The following ZNF407 variants were observed in gnomAD, a reference collection of about 807,000 sequenced individuals.
ZNF407 encodes zinc finger protein 407.
A neutral mutation model predicts 131.2 loss-of-function variants in ZNF407; 17 were observed. The observed-to-expected ratio is 0.13, with a 90% CI of 0.09 to 0.19. The LOEUF (loss-of-function observed/expected upper bound fraction) is 0.19. Among genes scored for constraint, ZNF407 ranks in the 10% least tolerant of loss-of-function variants. The probability of loss-of-function intolerance (pLI) is 1.00; values close to 1 mark genes in which losing one functional copy is unlikely to be tolerated. For synonymous variants in ZNF407, 1,156 were observed against 1,062.0 expected, an observed-to-expected ratio of 1.09 and a Z score of -1.72; for missense variants, 2,681 against 2,830.6, an observed-to-expected ratio of 0.95 and a Z score of 1.20.
chr18:74,742,536 G>A (rs977214538), intron 3 of ZNF407, among the ~76,000 whole-genome samples: 4 of 152,038 alleles, frequency 2.6e-5, no homozygotes, highest in African/African-American at 9.7e-5. Context: ...TTGAATATTT[G>A]TTGATTGAGT....
intron 3 of ZNF407, among the ~76,000 whole-genome samples, chr18:74,660,433 A>AT (rs1186754120): frequency 6.6e-6 from 1 of 152,058 alleles, no homozygotes; most frequent in Non-Finnish European, 1.5e-5. Context: ...GGAATTTATA[A>AT]TTTTTGCCTC....
At chr18:74,735,274 C>G (rs1968386362) in intron 3 of ZNF407, among the ~76,000 whole-genome samples, 1 of 152,090 alleles carries the variant, frequency 6.6e-6, no homozygotes, top group Admixed American at 6.6e-5. Flanking sequence ...TTTCCAAGAC[C>G]TGTTATGTTG....
chr18:74,690,884 A>C (rs1378312076), intron 3 of ZNF407, among the ~76,000 whole-genome samples: 1 of 152,230 alleles, frequency 6.6e-6, no homozygotes, highest in Admixed American at 6.5e-5. Context: ...CTCATAATTA[A>C]AAATTATATT....
At chr18:74,713,034 C>A (rs1967802996) in intron 3 of ZNF407, among the ~76,000 whole-genome samples, 1 of 152,174 alleles carries the variant, frequency 6.6e-6, no homozygotes. Flanking sequence ...ACATAGAGGA[C>A]CTGCCAGTCA....
chr18:74,888,340 T>C (rs1448590020), intron 6 of ZNF407, among the ~76,000 whole-genome samples: 1 of 152,022 alleles, frequency 6.6e-6, no homozygotes, highest in Middle Eastern at 3.2e-3. Context: ...GGTAGCCATA[T>C]TTAAAAAAAG....
intron 8 of ZNF407, among the ~76,000 whole-genome samples, chr18:74,934,956 A>T (rs569251636): frequency 7.2e-5 from 11 of 152,370 alleles, no homozygotes; most frequent in Non-Finnish European, 1.3e-4. Flanking sequence ...AAATTACTCT[A>T]TGTCATTTAT....
chr18:74,929,423 A>T (rs1316341729), intron 8 of ZNF407, among the ~76,000 whole-genome samples: 1 of 152,140 alleles, frequency 6.6e-6, no homozygotes, highest in African/African-American at 2.4e-5. Flanking sequence ...GAAAATCGTG[A>T]TCTTATCCCC....
chr18:74,721,939 C>T (rs879797414), intron 3 of ZNF407, among the ~76,000 whole-genome samples: 5 of 152,148 alleles, frequency 3.3e-5, no homozygotes, highest in Non-Finnish European at 5.9e-5. Flanking sequence ...CTGACTTCTA[C>T]CTTCCATTGT....
chr18:74,646,429 AAC>A (rs1984976615), intron 3 of ZNF407, among the ~76,000 whole-genome samples: 1 of 152,216 alleles, frequency 6.6e-6, no homozygotes, highest in South Asian at 2.1e-4. Context: ...TATTTAGATT[AAC>A]ATTAAAATGC....
intron 3 of ZNF407, among the ~76,000 whole-genome samples, chr18:74,747,736 T>G (rs913496319): frequency 6.6e-6 from 1 of 152,170 alleles, no homozygotes; most frequent in Non-Finnish European, 1.5e-5. Context: ...GCTGCATTAG[T>G]AAAGCTCATA....
At chr18:74,701,269 A>T (rs1029022745) in intron 3 of ZNF407, among the ~76,000 whole-genome samples, 3 of 152,126 alleles carry the variant, frequency 2.0e-5, no homozygotes, top group African/African-American at 7.2e-5. Flanking sequence ...GGCAATTATC[A>T]CCTGTGCTGT....
At chr18:74,855,037 A>T (rs1256694391) in intron 4 of ZNF407, among the ~76,000 whole-genome samples, 2 of 152,206 alleles carry the variant, frequency 1.3e-5, no homozygotes, top group African/African-American at 4.8e-5. Flanking sequence ...GTGTTCTCTA[A>T]AAAATATTTT....
intron 3 of ZNF407, among the ~76,000 whole-genome samples, chr18:74,721,120 T>C (rs1454097755): frequency 6.6e-6 from 1 of 152,198 alleles, no homozygotes. Context: ...TTATGATTTA[T>C]GAACAGGAGA....
At chr18:74,629,220 G>C (rs191380937) in intron 1 of ZNF407, among the ~76,000 whole-genome samples, 1 of 152,258 alleles carries the variant, frequency 6.6e-6, no homozygotes, top group East Asian at 1.9e-4. Flanking sequence ...GCCAACGCTT[G>C]TTATCTGATT....
chr18:74,748,375 G>A (rs1599119896), intron 3 of ZNF407, among the ~76,000 whole-genome samples: 1 of 151,544 alleles, frequency 6.6e-6, no homozygotes, highest in African/African-American at 2.4e-5. Flanking sequence ...AAAAGCTTGG[G>A]TTTTACTATT....
At chr18:74,623,076 A>G (rs980368078) in intron 1 of ZNF407, among the ~76,000 whole-genome samples, 17 of 148,196 alleles carry the variant, frequency 1.1e-4, no homozygotes, top group Non-Finnish European at 2.1e-4. Flanking sequence ...ATATGTGTGT[A>G]TCTGTATCAG....
At chr18:74,807,684 C>T (rs1235657527) in intron 4 of ZNF407, among the ~76,000 whole-genome samples, 2 of 152,128 alleles carry the variant, frequency 1.3e-5, no homozygotes, top group Admixed American at 6.5e-5. Context: ...TGATTCCCAC[C>T]GTCCATTCAT....
intron 3 of ZNF407, among the ~76,000 whole-genome samples, chr18:74,749,976 G>A (rs1968760717): frequency 1.3e-5 from 2 of 152,134 alleles, no homozygotes. Flanking sequence ...TAAATTCACT[G>A]GACAAAGTAT....
chr18:74,685,279 T>C (rs1967070623), intron 3 of ZNF407, among the ~76,000 whole-genome samples: 1 of 152,200 alleles, frequency 6.6e-6, no homozygotes, highest in African/African-American at 2.4e-5. Flanking sequence ...TATAAATAAG[T>C]AGACATTGAA....
Sources: gnomAD v4.1 joint callset for allele counts (sites outside exome capture counted in the v4.1 genomes callset) on GRCh38, gnomAD v4.1.1 for gene constraint, MANE v1.5 for transcripts, NCBI Gene and HGNC (gene_info 2026-07-23, HGNC 2026-07-21) for gene names.